The following CHLSN variants were observed in gnomAD, a reference collection of about 807,000 sequenced individuals.
CHLSN encodes cholesin.
At chr7:1,009,039 A>G in the CHLSN span, among the ~76,000 whole-genome samples, 4,011 of 80,964 alleles carry the variant, frequency 0.05, 183 homozygotes, top group African/African-American at 0.23. Context: ...ACGTACACAC[A>G]TGCACACACG....
the CHLSN span, among the ~76,000 whole-genome samples, chr7:1,053,755 A>T: frequency 6.6e-6 from 1 of 152,170 alleles, no homozygotes; most frequent in Non-Finnish European, 1.5e-5. Flanking sequence ...TGAACCCGGG[A>T]GGCGGAGGTT....
At chr7:997,100 C>T in the CHLSN span, 1 of 152,692 alleles carries the variant, frequency 6.5e-6, no homozygotes, top group Admixed American at 6.5e-5. Flanking sequence ...CAGGGGCTCC[C>T]CATGACCCGC....
At chr7:1,009,045 A>ACG in the CHLSN span, among the ~76,000 whole-genome samples, 2 of 151,420 alleles carry the variant, frequency 1.3e-5, no homozygotes, top group African/African-American at 2.4e-5. Context: ...ACACATGCAC[A>ACG]CACGTACACG....
chr7:1,100,107 G>A, the CHLSN span, among the ~76,000 whole-genome samples: 1 of 152,240 alleles, frequency 6.6e-6, no homozygotes, highest in South Asian at 2.1e-4. Flanking sequence ...CATGAAGGTT[G>A]CCAGGTGGAG....
chr7:1,068,944 G>A, the CHLSN span, among the ~76,000 whole-genome samples: 20 of 152,320 alleles, frequency 1.3e-4, no homozygotes, highest in South Asian at 4.1e-3. Context: ...GGAACCGGGG[G>A]AGGGGCCTGC....
At chr7:1,084,700 C>T in the CHLSN span, among the ~76,000 whole-genome samples, 12 of 152,162 alleles carry the variant, frequency 7.9e-5, no homozygotes, top group Non-Finnish European at 1.0e-4. Flanking sequence ...TGTAGACCCA[C>T]GCACCCCCAC....
the CHLSN span, among the ~76,000 whole-genome samples, chr7:1,107,627 T>A: frequency 6.6e-6 from 1 of 152,196 alleles, no homozygotes; most frequent in East Asian, 1.9e-4. Flanking sequence ...TTTTTGACAA[T>A]CTTATGAACA....
chr7:1,092,067 C>T, the CHLSN span: 2 of 1,614,002 alleles, frequency 1.2e-6, no homozygotes, highest in Non-Finnish European at 1.7e-6. Context: ...CCGACTCCCT[C>T]ATTGAGGTGT....
At chr7:1,124,185 A>G in the CHLSN span, among the ~76,000 whole-genome samples, 1 of 152,206 alleles carries the variant, frequency 6.6e-6, no homozygotes, top group African/African-American at 2.4e-5. Flanking sequence ...ACTTTAAAAT[A>G]ATTACTTGAA....
At chr7:1,124,050 T>A in the CHLSN span, among the ~76,000 whole-genome samples, 1 of 152,218 alleles carries the variant, frequency 6.6e-6, no homozygotes, top group South Asian at 2.1e-4. Context: ...CAGCTGCGTG[T>A]TACAGACCAG....
chr7:1,058,030 C>T, the CHLSN span: 2 of 769,410 alleles, frequency 2.6e-6, no homozygotes, highest in Admixed American at 3.4e-5. Flanking sequence ...AGCCATGTGT[C>T]CACCCGCGCG....
At chr7:1,135,142 AAT>A in the CHLSN span, among the ~76,000 whole-genome samples, 1 of 151,958 alleles carries the variant, frequency 6.6e-6, no homozygotes, top group Non-Finnish European at 1.5e-5. Flanking sequence ...CCCACCTCTT[AAT>A]CGCCGTGTCC....
At chr7:1,134,606 C>T in the CHLSN span, among the ~76,000 whole-genome samples, 2 of 151,374 alleles carry the variant, frequency 1.3e-5, no homozygotes, top group African/African-American at 2.4e-5. Context: ...CGGTGGCTCA[C>T]GCCTATAATC....
At chr7:998,061 G>A in the CHLSN span, among the ~76,000 whole-genome samples, 2 of 152,208 alleles carry the variant, frequency 1.3e-5, no homozygotes, top group Admixed American at 6.5e-5. Flanking sequence ...CACAAACATC[G>A]TAAAAATCCT....
the CHLSN span, among the ~76,000 whole-genome samples, chr7:1,070,454 G>A: frequency 6.7e-6 from 1 of 148,872 alleles, no homozygotes; most frequent in Admixed American, 6.7e-5. Flanking sequence ...CCCTCTGCCC[G>A]GCCAGCACAC....
chr7:1,109,942 T>A, the CHLSN span, among the ~76,000 whole-genome samples: 2 of 152,106 alleles, frequency 1.3e-5, no homozygotes, highest in Non-Finnish European at 2.9e-5. Context: ...CAAATGCCAG[T>A]GCGAGCGCAG....
chr7:1,115,764 C>T, the CHLSN span, among the ~76,000 whole-genome samples: 1 of 126,266 alleles, frequency 7.9e-6, no homozygotes, highest in Non-Finnish European at 1.7e-5. Context: ...GACATCACTA[C>T]AGCACTACGG....
At chr7:1,052,852 C>T in the CHLSN span, among the ~76,000 whole-genome samples, 1 of 152,296 alleles carries the variant, frequency 6.6e-6, no homozygotes, top group African/African-American at 2.4e-5. This position sits in a 1 kb window ranked among gnomAD's most constrained non-coding sequence, Gnocchi z 4.2. Flanking sequence ...TCTCTGTGGT[C>T]TCTCCTGCCT....
At chr7:988,002 G>GGGGGGGTCCCCTCTGTGTGTCCT in the CHLSN span, among the ~76,000 whole-genome samples, 2 of 97,896 alleles carry the variant, frequency 2.0e-5, no homozygotes, top group African/African-American at 7.4e-5. Context: ...TGTGTGTCCT[G>GGGGGGGTCCCCTCTGTGTGTCCT]GGGGGTCCCC....
Sources: gnomAD v4.1 joint callset for allele counts (sites outside exome capture counted in the v4.1 genomes callset) on GRCh38, gnomAD v4.1.1 for gene constraint, Gnocchi (gnomAD v3.1) non-coding constraint, MANE v1.5 for transcripts, NCBI Gene and HGNC (gene_info 2026-07-23, HGNC 2026-07-21) for gene names.